Variants in MIER1 observed in about 807,000 individuals in gnomAD.
MIER1 encodes the protein MIER1 transcriptional regulator.
A neutral mutation model predicts 75.7 loss-of-function variants in MIER1; 40 were observed. The ratio of observed to expected loss-of-function variants is 0.53; its 90% confidence interval spans 0.41 to 0.69. The LOEUF (loss-of-function observed/expected upper bound fraction) is 0.69. Ranked by LOEUF, MIER1 falls within the 30% of genes least tolerant of loss-of-function variation. MIER1 has a pLI of 0.00. For missense variants in MIER1, 574 were observed against 680.2 expected (o/e 0.84, Z 1.74); for synonymous variants, 213 against 223.4 (o/e 0.95, Z 0.42).
intron 9 of MIER1, 49 bp downstream of exon 9, chr1:66,971,008 T>C (rs1250252889): frequency 1.3e-6 from 2 of 1,492,150 alleles, no homozygotes. Flanking sequence ...CATTTATACA[T>C]GTAAATGCTG....
At chr1:66,947,349 T>C (rs1657902092) in intron 4 of MIER1, 2 of 152,210 alleles carry the variant, frequency 1.3e-5, no homozygotes, top group Non-Finnish European at 2.9e-5. Flanking sequence ...CATCTCTAAA[T>C]TATAAATGTC....
rs1433524714 is a variant in MIER1, at chr1:66,926,820, C to T, written c.168+578C>T. Among the ~76,000 whole-genome samples the T allele has an allele frequency of 3.1e-4, 47 of 152,122 alleles. 1 individual carries two copies. Among genetic ancestry groups the T allele is most frequent in the Admixed American group, 3.0e-3 (46 of 15,284 alleles). ...TTGGATGTGTTGTATTAATCTATTT[C>T]AGTCAGCTAACCCCAGAGTCTAAAT... On this transcript the variant is annotated intron_variant, in intron 2 of 13. Transcript: ENST00000401041.
intron 2 of MIER1, among the ~76,000 whole-genome samples, chr1:66,937,956 A>G (rs1459475889): frequency 1.3e-5 from 2 of 152,204 alleles, no homozygotes; most frequent in African/African-American, 2.4e-5. Flanking sequence ...GACCACTCCT[A>G]GTTCTCCACT....
rs915269383 is a variant in MIER1 at position 66,973,499 on chromosome 1, CTTATAG to C, written c.1101+514_1101+519del. Reference sequence around the variant, plus strand: ...TGTGTCGATAAATCAGCTTTATATTCTTATAGTTATAATTTGAGGATTTTATTTAAC... The same window carrying C: ...TGTGTCGATAAATCAGCTTTATATTCTTATAATTTGAGGATTTTATTTAAC... On this transcript the variant is annotated intron_variant, in intron 11 of 13. Transcript: ENST00000401041. Among the ~76,000 whole-genome samples, 36 of 152,016 alleles carry C rather than the reference CTTATAG, an allele frequency of 2.4e-4. No homozygotes were observed. In the East Asian group the frequency reaches 3.5e-3, roughly 15 times the overall value.
chr1:66,966,093 TC>T (rs2101810147), intron 8 of MIER1, among the ~76,000 whole-genome samples: 1 of 152,224 alleles, frequency 6.6e-6, no homozygotes, highest in African/African-American at 2.4e-5. Context: ...CATGCAGGTT[TC>T]TTACATATGT....
At position 66,981,794 on chromosome 1, in the gene MIER1, T is replaced by C. The variant is rs1665942172; in HGVS notation, c.1245T>C (p.Arg415=). The change falls in exon 13 of 14, where the codon CGT becomes CGC. Residue 415 remains arginine, a synonymous_variant. Coordinates refer to ENST00000401041, the MANE Select transcript of MIER1 (RefSeq NM_001077700.3). ...TAATTTTAAGGGATTACATGGATCGTCTTCTAGACGAAAGTGAAAGTGCTG... is the reference window on the plus strand; with the variant it reads ...TAATTTTAAGGGATTACATGGATCGCCTTCTAGACGAAAGTGAAAGTGCTG... The part of the protein sequence containing the change: ...LHPGVTDYMD[R]LLDESESAAS... 2.5e-6 allele frequency: 4 copies of C among 1,613,586 alleles called. No homozygotes were observed. In the East Asian group the frequency reaches 6.7e-5, roughly 27 times the overall value.
chr1:66,939,158 A>T (rs1172491881), intron 2 of MIER1, among the ~76,000 whole-genome samples: 1 of 152,276 alleles, frequency 6.6e-6, no homozygotes, highest in Non-Finnish European at 1.5e-5. Flanking sequence ...GTGAAGTTTT[A>T]GTTCATGTTA....
chr1:66,940,862 C>G lies in MIER1; in HGVS notation c.193+810C>G, dbSNP rs568546454. On this transcript the variant is annotated intron_variant, in intron 3 of 13. Transcript: ENST00000401041. ...TTTATCCTCAGTGTCCAGTGACTGT[C>G]AAGAGAAATGGGACTGCCTTCTGCA... is the stretch of plus-strand genomic sequence containing the variant. 1.2e-4 allele frequency among the ~76,000 whole-genome samples: 19 copies of G among 152,212 alleles called. No homozygotes were observed. In the South Asian group the frequency reaches 1.9e-3, roughly 15 times the overall value.
At position 66,981,825 on chromosome 1, in the gene MIER1, A is replaced by G; in HGVS notation, c.1276A>G (p.Ser426Gly). The G allele has an allele frequency of 6.2e-7, 1 of 1,614,030 alleles. No homozygotes were observed. Among genetic ancestry groups the G allele is most frequent in the Non-Finnish European group, 8.5e-7 (1 of 1,179,878 alleles). The change falls in exon 13 of 14, where the codon AGT becomes GGT. Residue 426 changes from serine to glycine, a missense_variant. Physicochemically the swap from Ser to Gly is moderately conservative, Grantham distance 56. Around this residue, in one of 3 missense-constraint regions of MIER1, gnomAD observed 101 missense variants for 173.1 expected, o/e 0.58. Coordinates refer to ENST00000401041, the MANE Select transcript of MIER1 (RefSeq NM_001077700.3). The stretch of plus-strand genomic sequence containing the variant: ...AGACGAAAGTGAAAGTGCTGCATCT[A>G]GTCGAGCACCATCCCCTCCCCCAAC... ...LLDESESAAS[S>G]RAPSPPPTAS...
At chr1:66,982,286 A>G (rs1284846097) in intron 13 of MIER1, among the ~76,000 whole-genome samples, 2 of 152,346 alleles carry the variant, frequency 1.3e-5, no homozygotes, top group African/African-American at 2.4e-5. Context: ...GATCATTGCA[A>G]AATACCTTGA....
intron 10 of MIER1, among the ~76,000 whole-genome samples, chr1:66,972,292 A>C (rs1663864839): frequency 6.8e-6 from 1 of 147,682 alleles, no homozygotes; most frequent in Non-Finnish European, 1.5e-5. Context: ...ATATTTATTT[A>C]ACAAAAATTT....
At chr1:66,939,164 T>C (rs1037876075) in intron 2 of MIER1, among the ~76,000 whole-genome samples, 1 of 152,188 alleles carries the variant, frequency 6.6e-6, no homozygotes, top group African/African-American at 2.4e-5. Context: ...TTTTAGTTCA[T>C]GTTATTTGAA....
At chr1:66,926,751 G>T (rs1651895535) in intron 2 of MIER1, among the ~76,000 whole-genome samples, 1 of 152,140 alleles carries the variant, frequency 6.6e-6, no homozygotes, top group Non-Finnish European at 1.5e-5. Flanking sequence ...TCTCAAAAGA[G>T]ACTCATGGAC....
chr1:66,931,010 C>G (rs558981015), intron 2 of MIER1, among the ~76,000 whole-genome samples: 1 of 152,290 alleles, frequency 6.6e-6, no homozygotes, highest in East Asian at 1.9e-4. Context: ...AAGGTACAAC[C>G]TCTGAGCTGC....
chr1:66,945,398 C>T (rs1290892572), intron 3 of MIER1, among the ~76,000 whole-genome samples: 7 of 150,110 alleles, frequency 4.7e-5, no homozygotes, highest in South Asian at 4.2e-4. Flanking sequence ...AACGCCTGTA[C>T]GTGTTGAAGA....
intron 2 of MIER1, chr1:66,930,210 G>T: frequency 7.3e-7 from 1 of 1,376,150 alleles, no homozygotes. Flanking sequence ...GGCGCCGCGA[G>T]GGGGCGGAGT....
At chr1:66,930,769 T>G (rs761797118) in intron 2 of MIER1, among the ~76,000 whole-genome samples, 10 of 152,118 alleles carry the variant, frequency 6.6e-5, no homozygotes, top group Non-Finnish European at 1.5e-4. Flanking sequence ...TTTTTTCCCT[T>G]CCTAACCGAG....
intron 8 of MIER1, among the ~76,000 whole-genome samples, chr1:66,966,470 A>G (rs1176330029): frequency 3.3e-5 from 5 of 152,186 alleles, no homozygotes; most frequent in Admixed American, 6.5e-5. Context: ...AGTCTTTGCT[A>G]TTGTGAGTAG....
At chr1:66,963,997 GT>G (rs531613052) in intron 8 of MIER1, among the ~76,000 whole-genome samples, 68 of 144,446 alleles carry the variant, frequency 4.7e-4, no homozygotes, top group African/African-American at 6.3e-4. Flanking sequence ...AATTTTACAT[GT>G]TTTTTTTTTT....
Sources: allele counts gnomAD v4.1 joint callset (sites outside exome capture counted in the v4.1 genomes callset), GRCh38; gene constraint gnomAD v4.1.1; regional missense constraint gnomAD v4.1.1; transcripts MANE v1.5; gene names NCBI Gene and HGNC (gene_info 2026-07-23, HGNC 2026-07-21).